The following ARHGAP15 variants were observed in gnomAD, a reference collection of about 807,000 sequenced individuals.
ARHGAP15 encodes the protein Rho GTPase activating protein 15.
ARHGAP15 carries 51 observed loss-of-function variants against 63.7 expected under a neutral mutation model. That is an observed-to-expected ratio of 0.80 (90% CI 0.64 to 1.01). ARHGAP15 has a LOEUF of 1.01. Ranked by LOEUF, ARHGAP15 falls within the 50% of genes least tolerant of loss-of-function variation. ARHGAP15 has a pLI of 0.00. For synonymous variants in ARHGAP15, 191 were observed against 193.8 expected (o/e 0.99, Z 0.12); for missense variants, 560 against 564.6 (o/e 0.99, Z 0.08).
intron 11 of ARHGAP15, among the ~76,000 whole-genome samples, chr2:143,561,722 CA>C (rs1280673179): frequency 6.6e-6 from 1 of 151,936 alleles, no homozygotes; most frequent in African/African-American, 2.4e-5. Context: ...CACCATGTCT[CA>C]AACTCCTGAC....
intron 6 of ARHGAP15, among the ~76,000 whole-genome samples, chr2:143,364,722 A>C (rs371124451): frequency 6.6e-6 from 1 of 152,192 alleles, no homozygotes; most frequent in East Asian, 1.9e-4. Context: ...CACAGAGTAC[A>C]TGTACTAATT....
intron 13 of ARHGAP15, among the ~76,000 whole-genome samples, chr2:143,733,757 A>G (rs1010460497): frequency 6.6e-6 from 1 of 152,188 alleles, no homozygotes; most frequent in Admixed American, 6.5e-5. Flanking sequence ...TCTCTGTTTC[A>G]GGACATTGAC....
chr2:143,481,659 T>C (rs1017612388), intron 8 of ARHGAP15, among the ~76,000 whole-genome samples: 5 of 152,156 alleles, frequency 3.3e-5, no homozygotes, highest in Non-Finnish European at 7.4e-5. Context: ...TTCCTGTTAC[T>C]AAAGTGAGAA....
chr2:143,671,564 C>T (rs1369683418), intron 12 of ARHGAP15, among the ~76,000 whole-genome samples: 1 of 152,058 alleles, frequency 6.6e-6, no homozygotes, highest in Non-Finnish European at 1.5e-5. Flanking sequence ...AAATAACACA[C>T]TTATAGGTGT....
chr2:143,546,050 T>A (rs1369300554), intron 10 of ARHGAP15, among the ~76,000 whole-genome samples: 9 of 152,190 alleles, frequency 5.9e-5, no homozygotes, highest in Non-Finnish European at 1.0e-4. Flanking sequence ...TTAAGAAAGA[T>A]CACTTTACAG....
At chr2:143,471,003 TAGATAAAGA>T (rs1346642954) in intron 8 of ARHGAP15, among the ~76,000 whole-genome samples, 44 of 97,922 alleles carry the variant, frequency 4.5e-4, no homozygotes, top group Non-Finnish European at 1.1e-3. Context: ...CATGTGTGTA[TAGATAAAGA>T]AGATATGAAT....
At chr2:143,177,750 A>C (rs1467427030) in intron 2 of ARHGAP15, among the ~76,000 whole-genome samples, 1 of 152,204 alleles carries the variant, frequency 6.6e-6, no homozygotes, top group East Asian at 1.9e-4. Context: ...CAGAGCCTAC[A>C]TGACATGTAT....
intron 1 of ARHGAP15, among the ~76,000 whole-genome samples, chr2:143,133,434 T>A (rs1252037087): frequency 6.6e-6 from 1 of 152,180 alleles, no homozygotes; most frequent in African/African-American, 2.4e-5. Context: ...CACTTTTACA[T>A]CTTGATGGGT....
intron 9 of ARHGAP15, among the ~76,000 whole-genome samples, chr2:143,488,666 A>G (rs1692435354): frequency 6.6e-6 from 1 of 152,252 alleles, no homozygotes; most frequent in Non-Finnish European, 1.5e-5. Flanking sequence ...TCCTAATTTC[A>G]GCATTACTTA....
intron 3 of ARHGAP15, among the ~76,000 whole-genome samples, chr2:143,213,907 C>A (rs1447100214): frequency 6.6e-6 from 1 of 152,196 alleles, no homozygotes; most frequent in Non-Finnish European, 1.5e-5. Flanking sequence ...AAATCCAGCC[C>A]TTGGCATCAA....
At chr2:143,311,480 T>TA (rs1211963850) in intron 6 of ARHGAP15, among the ~76,000 whole-genome samples, 6 of 152,122 alleles carry the variant, frequency 3.9e-5, no homozygotes, top group African/African-American at 1.4e-4. Context: ...GGAAAGACAC[T>TA]ACCTATCATA....
intron 10 of ARHGAP15, among the ~76,000 whole-genome samples, chr2:143,551,113 C>T (rs1695543564): frequency 6.6e-6 from 1 of 152,140 alleles, no homozygotes; most frequent in Non-Finnish European, 1.5e-5. Context: ...AATTAATAAA[C>T]AGAAATATGA....
chr2:143,646,852 A>G (rs1199102165), intron 12 of ARHGAP15, among the ~76,000 whole-genome samples: 1 of 152,026 alleles, frequency 6.6e-6, no homozygotes, highest in Non-Finnish European at 1.5e-5. Context: ...GTGCTTGTCA[A>G]TCCAAATAAG....
intron 6 of ARHGAP15, among the ~76,000 whole-genome samples, chr2:143,318,007 C>A (rs1401347116): frequency 6.6e-6 from 1 of 151,712 alleles, no homozygotes; most frequent in African/African-American, 2.4e-5. Flanking sequence ...AAAATTTTAT[C>A]CTTTTTTTTT....
chr2:143,297,271 CAATT>C (rs1682677085), intron 6 of ARHGAP15, among the ~76,000 whole-genome samples: 2 of 151,860 alleles, frequency 1.3e-5, no homozygotes, highest in African/African-American at 2.4e-5. Flanking sequence ...AATTGGGAAG[CAATT>C]GATTGTACTA....
At chr2:143,272,069 C>T (rs983544067) in intron 6 of ARHGAP15, among the ~76,000 whole-genome samples, 2 of 152,122 alleles carry the variant, frequency 1.3e-5, no homozygotes, top group African/African-American at 4.8e-5. Context: ...GTTGATTTTA[C>T]ACATCAAGTG....
intron 8 of ARHGAP15, among the ~76,000 whole-genome samples, chr2:143,474,994 C>A (rs1049715235): frequency 3.3e-4 from 50 of 152,268 alleles, no homozygotes; most frequent in Non-Finnish European, 6.0e-4. Context: ...GAAAGTAGTT[C>A]CATTTGTCAC....
chr2:143,682,502 GTA>G (rs1683147950), intron 12 of ARHGAP15, among the ~76,000 whole-genome samples: 1 of 151,824 alleles, frequency 6.6e-6, no homozygotes, highest in African/African-American at 2.4e-5. Context: ...ATACACATAT[GTA>G]TGTGTGTGCA....
chr2:143,369,436 C>CT (rs1360301164), intron 6 of ARHGAP15, among the ~76,000 whole-genome samples: 27 of 151,952 alleles, frequency 1.8e-4, no homozygotes, highest in Admixed American at 6.6e-5. Context: ...GTAGACAAAC[C>CT]TTTGAGCTTA....
Sources: gnomAD v4.1 joint callset for allele counts (sites outside exome capture counted in the v4.1 genomes callset) on GRCh38, gnomAD v4.1.1 for gene constraint, MANE v1.5 for transcripts, NCBI Gene and HGNC (gene_info 2026-07-23, HGNC 2026-07-21) for gene names.